The following COL8A1 variants were observed in gnomAD, a reference collection of about 807,000 sequenced individuals.
The protein encoded by COL8A1 is collagen type VIII alpha 1 chain.
Under a neutral mutation model 42.7 loss-of-function variants are expected in COL8A1, and 21 were observed. The ratio of observed to expected loss-of-function variants is 0.49; its 90% CI spans 0.35 to 0.71. COL8A1 has a LOEUF of 0.71. Among genes scored for constraint, COL8A1 ranks in the 30% least tolerant of loss-of-function variants. The pLI is 0.01. For missense variants in COL8A1, 788 were observed against 962.4 expected, an observed-to-expected ratio of 0.82 and a Z score of 2.40; for synonymous variants, 367 against 369.1, an observed-to-expected ratio of 0.99 and a Z score of 0.06.
intron 1 of COL8A1, among the ~76,000 whole-genome samples, chr3:99,716,808 C>T (rs149287986): frequency 4.6e-5 from 7 of 152,116 alleles, no homozygotes; most frequent in Non-Finnish European, 8.8e-5. Flanking sequence ...TGTCTCAATC[C>T]TCATGACTAC....
At chr3:99,792,103 C>T (rs964005580) in intron 3 of COL8A1, among the ~76,000 whole-genome samples, 15 of 152,162 alleles carry the variant, frequency 9.9e-5, no homozygotes, top group Admixed American at 3.9e-4. Flanking sequence ...CTACACAATT[C>T]GCTGGTTAGA....
intron 1 of COL8A1, among the ~76,000 whole-genome samples, chr3:99,645,224 C>T (rs535402380): frequency 1.9e-3 from 293 of 152,214 alleles, no homozygotes; most frequent in African/African-American, 6.7e-3. Flanking sequence ...TAGCGATTGC[C>T]CAGTCTTAAA....
chr3:99,792,707 G>A (rs940784426), intron 3 of COL8A1, among the ~76,000 whole-genome samples: 2 of 152,172 alleles, frequency 1.3e-5, no homozygotes, highest in African/African-American at 4.8e-5. Flanking sequence ...TTGTTCCTAA[G>A]TCAAGCTCTC....
chr3:99,652,787 G>A (rs983389968), intron 1 of COL8A1, among the ~76,000 whole-genome samples: 9 of 152,128 alleles, frequency 5.9e-5, no homozygotes, highest in Non-Finnish European at 1.2e-4. Flanking sequence ...TGATTTTAAA[G>A]GACACCCATT....
chr3:99,739,432 A>C (rs1940834457), intron 1 of COL8A1, among the ~76,000 whole-genome samples: 1 of 152,180 alleles, frequency 6.6e-6, no homozygotes. Flanking sequence ...TTCCTTCTGC[A>C]CTGCCCCAGC....
intron 1 of COL8A1, among the ~76,000 whole-genome samples, chr3:99,667,585 G>T (rs1460639790): frequency 6.6e-6 from 1 of 152,118 alleles, no homozygotes; most frequent in African/African-American, 2.4e-5. Flanking sequence ...ACTTTAGAGT[G>T]AATTTGATCA....
intron 1 of COL8A1, among the ~76,000 whole-genome samples, chr3:99,695,583 ACTCTCT>A (rs143385956): frequency 7.0e-6 from 1 of 142,176 alleles, no homozygotes; most frequent in African/African-American, 2.6e-5. Context: ...TCTTTCTCTT[ACTCTCT>A]CTCTCTCTCT....
rs1213403518 is a variant in COL8A1, at chr3:99,755,985, T to C, written c.-4+10964T>C. Among the ~76,000 whole-genome samples, 3 of 151,978 alleles carry C rather than the reference T, an allele frequency of 2.0e-5. No individual in the cohort carries two copies. The East Asian group carries it at 5.8e-4, about 29-fold the overall frequency. On this transcript the variant is annotated intron_variant, in intron 2 of 3. Transcript: ENST00000652472. ...TCTGGTTTCTCTGAGGAGATTGGACTCCGCACATGAATGGAGACAGGGAGG... is the reference window on the plus strand; with the variant it reads ...TCTGGTTTCTCTGAGGAGATTGGACCCCGCACATGAATGGAGACAGGGAGG...
intron 1 of COL8A1, among the ~76,000 whole-genome samples, chr3:99,727,840 C>T (rs1302147085): frequency 3.3e-5 from 5 of 152,002 alleles, no homozygotes; most frequent in East Asian, 1.9e-4. Flanking sequence ...GTTCAACATA[C>T]ACAAATCAAT....
chr3:99,664,646 C>T (rs1366479293), intron 1 of COL8A1, among the ~76,000 whole-genome samples: 4 of 152,178 alleles, frequency 2.6e-5, no homozygotes, highest in African/African-American at 9.7e-5. Context: ...ATCCCTCTTC[C>T]CACTTCCCTG....
chr3:99,756,153 C>T (rs1269474495), intron 2 of COL8A1, among the ~76,000 whole-genome samples: 1 of 151,454 alleles, frequency 6.6e-6, no homozygotes, highest in Non-Finnish European at 1.5e-5. Flanking sequence ...TGAGCCTGAG[C>T]AACTAGATAA....
At chr3:99,649,255 G>A (rs376327963) in intron 1 of COL8A1, among the ~76,000 whole-genome samples, 2 of 151,966 alleles carry the variant, frequency 1.3e-5, no homozygotes, top group East Asian at 3.9e-4. Context: ...TTCTATAATG[G>A]CATGAGTTTA....
intron 3 of COL8A1, 115 bp downstream of exon 3, chr3:99,791,125 A>T: frequency 1.1e-6 from 1 of 909,898 alleles, no homozygotes; most frequent in Non-Finnish European, 1.6e-6. Flanking sequence ...TGTTACTGGC[A>T]TTTTTAAAAT....
chr3:99,737,842 C>T (rs1940775478), intron 1 of COL8A1, among the ~76,000 whole-genome samples: 1 of 151,816 alleles, frequency 6.6e-6, no homozygotes, highest in South Asian at 2.1e-4. Flanking sequence ...GTTCCATTCT[C>T]CCCATCACTT....
At chr3:99,697,534 A>G (rs1301374690) in intron 1 of COL8A1, among the ~76,000 whole-genome samples, 1 of 152,198 alleles carries the variant, frequency 6.6e-6, no homozygotes, top group Non-Finnish European at 1.5e-5. Flanking sequence ...AGATAAAAGC[A>G]TGTTTTAGGG....
chr3:99,660,328 C>A (rs1938166597), intron 1 of COL8A1, among the ~76,000 whole-genome samples: 1 of 152,174 alleles, frequency 6.6e-6, no homozygotes, highest in African/African-American at 2.4e-5. Context: ...GACCTGAAAT[C>A]ATGATTATCT....
intron 2 of COL8A1, among the ~76,000 whole-genome samples, chr3:99,768,614 C>T (rs756774682): frequency 4.6e-5 from 7 of 152,204 alleles, no homozygotes; most frequent in Non-Finnish European, 1.0e-4. Flanking sequence ...ATACACTTAC[C>T]ATCTTACCAG....
At position 99,795,784 on chromosome 3, in the gene COL8A1, C is replaced by T. The variant is rs755629975; in HGVS notation, c.1883C>T (p.Pro628Leu). The change falls in exon 4 of 4, where the codon CCG (proline) becomes CTG (leucine). Residue 628 changes from proline (P) to leucine (L), a missense_variant. Around this residue, in one of 4 missense-constraint regions of COL8A1, gnomAD observed 212 missense variants for 210.9 expected, o/e 1.00. Transcript: ENST00000652472. ...GCCGAGCTAACCGCACCTTTCCCAC[C>T]GGTGGGGGCCCCAGTGAAGTTTAAC... ...FTAELTAPFPPVGAPVKFNKL... is the reference protein window; with the variant it reads ...FTAELTAPFPLVGAPVKFNKL... 16 of 1,614,070 alleles carry T rather than the reference C, an allele frequency of 9.9e-6. No individual in the cohort carries two copies. Among genetic ancestry groups the T allele is most frequent in the East Asian group, 2.2e-5 (1 of 44,880 alleles).
In COL8A1 at chr3:99,738,220, C is replaced by G. The variant is rs554966709; in HGVS notation, c.-128-6677C>G. Among the ~76,000 whole-genome samples the G allele has an allele frequency of 3.2e-3, 484 of 152,364 alleles. 4 individuals carry two copies. The highest frequency in any genetic ancestry group is 0.011 in the African/African-American group (472 of 41,580). On this transcript the variant is annotated intron_variant, in intron 1 of 3. Coordinates refer to ENST00000652472, the MANE Select transcript of COL8A1 (RefSeq NM_020351.4). The stretch of plus-strand genomic sequence containing the variant: ...TTGATCATCTGAAGCCTTCTTCTCT[C>G]AGCTCCTCAAAGTCATTCTCCATCC...
Sources: allele counts gnomAD v4.1 joint callset (sites outside exome capture counted in the v4.1 genomes callset), GRCh38; gene constraint gnomAD v4.1.1; regional missense constraint gnomAD v4.1.1; transcripts MANE v1.5; gene names NCBI Gene and HGNC (gene_info 2026-07-23, HGNC 2026-07-21).